The following SNW1 variants were observed in gnomAD, a reference collection of about 807,000 sequenced individuals.
SNW1 encodes SNW domain containing 1, also known as SNW domain-containing protein 1.
In SNW1, 9 loss-of-function variants were observed where a neutral mutation model predicts 75.6. The observed-to-expected ratio is 0.12, with a 90% CI of 0.07 to 0.21. The LOEUF (loss-of-function observed/expected upper bound fraction) is 0.21, where lower values mean the gene tolerates loss of function less well. Ranked by LOEUF, SNW1 falls within the 10% of genes least tolerant of loss-of-function variation. The pLI is 1.00. For missense variants in SNW1, 409 were observed against 670.9 expected, an observed-to-expected ratio of 0.61 and a Z score of 4.31; for synonymous variants, 200 against 219.1, an observed-to-expected ratio of 0.91 and a Z score of 0.77.
intron 1 of SNW1, chr14:77,760,730 G>C (rs747793048): frequency 1.6e-5 from 11 of 702,376 alleles, no homozygotes; most frequent in Admixed American, 1.0e-4. Flanking sequence ...AAGCCGCGCA[G>C]TCGCAGCCCG....
At chr14:77,732,650 A>C in intron 8 of SNW1, 49 bp from the exon 9 acceptor site, 1 of 994,810 alleles carries the variant, frequency 1.0e-6, no homozygotes, top group Non-Finnish European at 1.6e-6. Context: ...GCTTCAATTA[A>C]TCGTCTGAAG....
intron 3 of SNW1, among the ~76,000 whole-genome samples, chr14:77,744,961 C>T (rs931343528): frequency 6.6e-6 from 1 of 152,142 alleles, no homozygotes; most frequent in Non-Finnish European, 1.5e-5. Flanking sequence ...TCCTCACTGG[C>T]TTCAGAAGTG....
intron 9 of SNW1, 141 bp from the exon 10 acceptor site, chr14:77,731,270 TG>T: frequency 1.1e-6 from 1 of 926,566 alleles, no homozygotes; most frequent in Non-Finnish European, 1.6e-6. Flanking sequence ...CAAAGAGTCT[TG>T]TCCACTAAAA....
At position 77,754,967 on chromosome 14, in the gene SNW1, C is replaced by G; in HGVS notation, c.168G>C (p.Glu56Asp). ...ATCTAAACTTAAGATCTATATGTACCTCTAATAACCGAGGTATCCAGCCTT... is the reference window on the plus strand; with the variant it reads ...ATCTAAACTTAAGATCTATATGTACGTCTAATAACCGAGGTATCCAGCCTT... ...YRKGWIPRLLEDFGDGGAFPE... is the reference protein window; with the variant it reads ...YRKGWIPRLLDDFGDGGAFPE... Residue 56 changes from glutamate to aspartate, a missense_variant and splice_region_variant, in exon 2 of 14, where the codon GAG (glutamate) becomes GAC (aspartate). Around this residue, in one of 9 missense-constraint regions of SNW1, gnomAD observed 73 missense variants for 68.3 expected, o/e 1.07. Transcript: ENST00000261531. 1 of 1,587,394 alleles carries G rather than the reference C, an allele frequency of 6.3e-7. No homozygotes were observed.
intron 10 of SNW1, among the ~76,000 whole-genome samples, chr14:77,725,220 G>T (rs1250024830): frequency 6.6e-6 from 1 of 152,128 alleles, no homozygotes; most frequent in Non-Finnish European, 1.5e-5. Context: ...TTGAGTTCTT[G>T]TACATTCTGG....
intron 3 of SNW1, among the ~76,000 whole-genome samples, chr14:77,747,997 T>C (rs1395350502): frequency 6.6e-6 from 1 of 152,230 alleles, no homozygotes; most frequent in African/African-American, 2.4e-5. Flanking sequence ...AAAAGATAGA[T>C]AAATCAGATT....
chr14:77,746,918 C>A (rs2080764672), intron 3 of SNW1, among the ~76,000 whole-genome samples: 1 of 150,148 alleles, frequency 6.7e-6, no homozygotes, highest in African/African-American at 2.5e-5. Flanking sequence ...CCCTTCTGTG[C>A]ACGGTCTCCC....
At chr14:77,750,484 A>G (rs527489741) in intron 3 of SNW1, among the ~76,000 whole-genome samples, 1 of 152,306 alleles carries the variant, frequency 6.6e-6, no homozygotes, top group African/African-American at 2.4e-5. Flanking sequence ...TCTTCCCCCA[A>G]AGCTCAGCAG....
intron 11 of SNW1, among the ~76,000 whole-genome samples, chr14:77,721,648 A>G (rs192148327): frequency 3.3e-5 from 5 of 151,904 alleles, no homozygotes; most frequent in South Asian, 2.1e-4. Context: ...TCTCAAGAGT[A>G]AGAGTCTTTG....
At chr14:77,746,904 TC>T (rs371666049) in intron 3 of SNW1, among the ~76,000 whole-genome samples, 3,153 of 128,822 alleles carry the variant, frequency 0.024, 103 homozygotes, top group African/African-American at 0.084. Flanking sequence ...CCCCTCCCCC[TC>T]CCCCCTTCTG....
In SNW1 at chr14:77,739,022, C is replaced by A. The variant is rs781222365; in HGVS notation, c.370G>T (p.Val124Phe). ...AGGTCTGGATCATCTGCATTCATAA[C>A]CTCCTTTGGAACCAGGTCAGTGTAT... ...SKYTDLVPKE[V>F]MNADDPDLQR... The change falls in exon 4 of 14, where the codon GTT becomes TTT. Residue 124 changes from valine to phenylalanine, a missense_variant. Val to Phe is a conservative substitution (Grantham distance 50). Around this residue, in one of 9 missense-constraint regions of SNW1, gnomAD observed 60 missense variants for 62.6 expected, o/e 0.96. Coordinates refer to ENST00000261531, the MANE Select transcript of SNW1 (RefSeq NM_012245.3). The A allele has an allele frequency of 1.1e-5, 18 of 1,613,950 alleles. No individual in the cohort carries two copies.
intron 10 of SNW1, 85 bp downstream of exon 10, chr14:77,730,903 T>C (rs929830797): frequency 1.6e-5 from 23 of 1,420,836 alleles, no homozygotes; most frequent in Non-Finnish European, 2.2e-5. Context: ...GTACCTACTT[T>C]ATATGCAGTA....
rs2080499442 is a variant in SNW1, at chr14:77,717,687, G to A, written c.*401C>T. 1 of 834,204 alleles carries A rather than the reference G, an allele frequency of 1.2e-6. No individual in the cohort carries two copies. Among genetic ancestry groups the A allele is most frequent in the Admixed American group, 2.6e-5 (1 of 38,782 alleles). The allele number at this position is 834,204 out of a possible 1,614,324, so 51.7% of individuals were successfully genotyped here. A position where few individuals can be genotyped will look rare whatever the true frequency, so the allele number is the denominator to read the frequency against. On this transcript the variant is annotated 3_prime_UTR_variant, in exon 14 of 14. Transcript: ENST00000261531. Reference sequence around the variant, plus strand: ...TCCAAATTAAAACAGAGCACAATAGGGGCAAAATTTATTTGGCAGGACAGT... The same window carrying A: ...TCCAAATTAAAACAGAGCACAATAGAGGCAAAATTTATTTGGCAGGACAGT...
intron 10 of SNW1, among the ~76,000 whole-genome samples, chr14:77,723,732 G>A (rs1338975179): frequency 3.3e-5 from 5 of 152,120 alleles, no homozygotes; most frequent in Middle Eastern, 3.4e-3. Flanking sequence ...TCAGCTCACC[G>A]CAACCTCTGC....
intron 9 of SNW1, 34 bp from the exon 10 acceptor site, chr14:77,731,163 A>G: frequency 1.2e-6 from 2 of 1,603,818 alleles, no homozygotes; most frequent in Non-Finnish European, 1.7e-6. Flanking sequence ...ACAGGACACT[A>G]TCATGGGATA....
At chr14:77,735,827 G>A in intron 7 of SNW1, 110 bp downstream of exon 7, 2 of 675,826 alleles carry the variant, frequency 3.0e-6, no homozygotes, top group East Asian at 2.8e-5. Context: ...AATAAAAAAA[G>A]AAACTACAAG....
At chr14:77,722,436 T>C (rs1278539889) in intron 11 of SNW1, 2 of 419,904 alleles carry the variant, frequency 4.8e-6, no homozygotes, top group Admixed American at 3.1e-5. Context: ...TTCTCCTCAA[T>C]TGTACTAGAT....
At chr14:77,722,715 T>G (rs2080551679) in intron 11 of SNW1, 1 of 359,806 alleles carries the variant, frequency 2.8e-6, no homozygotes, top group African/African-American at 2.1e-5. Flanking sequence ...ACAAGAAAAT[T>G]AAGTGCTAAT....
chr14:77,761,081 C>T (rs761253048), intron 1 of SNW1, 33 bp downstream of exon 1: 7 of 1,614,248 alleles, frequency 4.3e-6, no homozygotes, highest in South Asian at 3.3e-5. Flanking sequence ...CTCCCAGACC[C>T]TTCCGTATCG....
Sources: gnomAD v4.1 joint callset for allele counts (sites outside exome capture counted in the v4.1 genomes callset) on GRCh38, gnomAD v4.1.1 for gene constraint, gnomAD v4.1.1 regional missense constraint, MANE v1.5 for transcripts, NCBI Gene and HGNC (gene_info 2026-07-23, HGNC 2026-07-21) for gene names.